Variants in GALNT2 observed in about 807,000 individuals in gnomAD.
GALNT2 encodes polypeptide N-acetylgalactosaminyltransferase 2.
In GALNT2, 31 loss-of-function variants were observed where a neutral mutation model predicts 81.4. The observed-to-expected ratio is 0.38, with a 90% CI of 0.29 to 0.51. The LOEUF is 0.51. Among genes scored for constraint, GALNT2 ranks in the 20% least tolerant of loss-of-function variants. The pLI is 0.87. For synonymous variants in GALNT2, 303 were observed against 287.4 expected (o/e 1.05, Z -0.55); for missense variants, 629 against 765.7 (o/e 0.82, Z 2.11).
intron 1 of GALNT2, among the ~76,000 whole-genome samples, chr1:230,155,208 G>A (rs1182817702): frequency 6.6e-6 from 1 of 152,140 alleles, no homozygotes; most frequent in African/African-American, 2.4e-5. Flanking sequence ...CTGTGGAGCG[G>A]AAGTCCTGAG....
intron 1 of GALNT2, among the ~76,000 whole-genome samples, chr1:230,059,341 T>C (rs1244813916): frequency 6.6e-6 from 1 of 152,214 alleles, no homozygotes; most frequent in East Asian, 1.9e-4. Context: ...AAATGTTACA[T>C]TGATAAATGA....
chr1:230,084,530 C>T (rs972304812), intron 1 of GALNT2, among the ~76,000 whole-genome samples: 4 of 152,232 alleles, frequency 2.6e-5, no homozygotes, highest in Non-Finnish European at 5.9e-5. Flanking sequence ...TTTGTCTGCC[C>T]TGGCACTTCC....
intron 1 of GALNT2, among the ~76,000 whole-genome samples, chr1:230,084,581 A>G (rs1659844444): frequency 6.6e-6 from 1 of 150,982 alleles, no homozygotes; most frequent in African/African-American, 2.4e-5. Context: ...GGTGAGGGAG[A>G]TGAGGCTGAG....
At chr1:230,231,408 G>A (rs913767550) in intron 3 of GALNT2, among the ~76,000 whole-genome samples, 1 of 152,164 alleles carries the variant, frequency 6.6e-6, no homozygotes, top group Non-Finnish European at 1.5e-5. Context: ...GGGTGAGGGT[G>A]GGGCATGGCC....
At chr1:230,159,593 AC>A (rs1438723869) in intron 1 of GALNT2, among the ~76,000 whole-genome samples, 1 of 152,232 alleles carries the variant, frequency 6.6e-6, no homozygotes, top group African/African-American at 2.4e-5. Flanking sequence ...CACTGAGCCT[AC>A]ATGGGGTAGG....
At chr1:230,197,605 T>C (rs1247779885) in intron 2 of GALNT2, among the ~76,000 whole-genome samples, 1 of 152,166 alleles carries the variant, frequency 6.6e-6, no homozygotes. Flanking sequence ...AATTTTATAG[T>C]TAGTAGTGTA....
At chr1:230,183,986 A>T (rs1236615192) in intron 2 of GALNT2, among the ~76,000 whole-genome samples, 1 of 152,158 alleles carries the variant, frequency 6.6e-6, no homozygotes, top group African/African-American at 2.4e-5. Context: ...CAAAAAAAAA[A>T]AAGGAAAAGT....
Position 230,280,199 on chromosome 1 carries a change from G to T in GALNT2, c.*741G>T. On this transcript the variant is annotated 3_prime_UTR_variant, in exon 16 of 16. Transcript: ENST00000366672. ...CCCGGTGGGGCCAGTTTCTCACAGA[G>T]GGAGGAGGTGGCCTTTGTCCCCTGG... The T allele has an allele frequency of 2.8e-6, 1 of 356,806 alleles. No homozygotes were observed. The highest frequency in any genetic ancestry group is 2.2e-5 in the South Asian group (1 of 46,286). 22.1% of individuals were successfully genotyped at this position (356,806 alleles called of 1,614,324 possible).
At chr1:230,071,487 CCAGGTTCTGAGCTCCA>C (rs1659373950) in intron 1 of GALNT2, among the ~76,000 whole-genome samples, 1 of 152,112 alleles carries the variant, frequency 6.6e-6, no homozygotes, top group Admixed American at 6.5e-5. Context: ...TGGTGGGATC[CCAGGTTCTGAGCTCCA>C]CTGCTCTCCC....
chr1:230,191,687 A>AT (rs1309978826), intron 2 of GALNT2, among the ~76,000 whole-genome samples: 7 of 152,128 alleles, frequency 4.6e-5, no homozygotes, highest in South Asian at 4.1e-4. Context: ...CATTTTTAAA[A>AT]TTTTTTGCAG....
intron 6 of GALNT2, among the ~76,000 whole-genome samples, chr1:230,242,355 A>G (rs1179217130): frequency 1.3e-5 from 2 of 152,138 alleles, no homozygotes; most frequent in Admixed American, 6.5e-5. Context: ...CTGTTCTAGC[A>G]TACAGCCACA....
chr1:230,090,064 CTGT>C (rs1558278832), intron 1 of GALNT2, among the ~76,000 whole-genome samples: 1 of 152,162 alleles, frequency 6.6e-6, no homozygotes, highest in Non-Finnish European at 1.5e-5. Context: ...TTGTTATTTT[CTGT>C]TGTTTGATAG....
At chr1:230,072,858 G>A (rs74145436) in intron 1 of GALNT2, among the ~76,000 whole-genome samples, 1,837 of 152,306 alleles carry the variant, frequency 0.012, 35 homozygotes, top group African/African-American at 0.041. Context: ...CTGTGCCTGT[G>A]CCATAGTGAA....
chr1:230,141,411 C>T (rs1558105551), intron 1 of GALNT2, among the ~76,000 whole-genome samples: 1 of 152,212 alleles, frequency 6.6e-6, no homozygotes, highest in African/African-American at 2.4e-5. Context: ...TTTCATCTTG[C>T]AAAACTGAAA....
At position 230,090,016 on chromosome 1, in the gene GALNT2, A is replaced by G. The variant is rs573320121; in HGVS notation, c.126+22610A>G. 2.0e-5 allele frequency among the ~76,000 whole-genome samples: 3 copies of G among 152,264 alleles called. No homozygotes were observed. In the South Asian group the frequency reaches 6.2e-4, roughly 32 times the overall value. On this transcript the variant is annotated intron_variant, in intron 1 of 15. Coordinates refer to ENST00000366672, the MANE Select transcript of GALNT2 (RefSeq NM_004481.5). ...CCAATTTTACATTCCCACCAACTGT[A>G]CACAAGGGTTCCAGTTTCTCCACAT...
chr1:230,189,684 C>T (rs147822255), intron 2 of GALNT2, among the ~76,000 whole-genome samples: 63 of 152,276 alleles, frequency 4.1e-4, no homozygotes, highest in African/African-American at 1.4e-3. Context: ...CCATTTTAAG[C>T]GTTGTTAAGC....
Position 230,077,611 on chromosome 1 carries a change from T to C in GALNT2, c.126+10205T>C, listed in dbSNP as rs1267511135. On this transcript the variant is annotated intron_variant, in intron 1 of 15. Coordinates refer to ENST00000366672, the MANE Select transcript of GALNT2 (RefSeq NM_004481.5). ...GATACAAAGGAAAATACAAGTGAAA[T>C]ACATTGAGCAAAGTGTTCTAAAAGT... Among the ~76,000 whole-genome samples, 4 of 152,190 alleles carry C rather than the reference T, an allele frequency of 2.6e-5. No individual in the cohort carries two copies. In the East Asian group the frequency reaches 7.7e-4, roughly 29 times the overall value.
chr1:230,236,136 T>C lies in GALNT2; in HGVS notation c.473+24T>C, dbSNP rs767590417. 13 of 1,605,904 alleles carry C rather than the reference T, an allele frequency of 8.1e-6. No individual in the cohort carries two copies. In the South Asian group the frequency reaches 1.3e-4, roughly 16 times the overall value. On this transcript the variant is annotated intron_variant, in intron 4 of 15. Coordinates refer to ENST00000366672, the MANE Select transcript of GALNT2 (RefSeq NM_004481.5). ...AGGTGAGGCCAGGAGATGCATTACC[T>C]GTCAGGGGTGTTAAGACATTAGCTG...
At chr1:230,278,627 C>G (rs1242532407) in intron 15 of GALNT2, among the ~76,000 whole-genome samples, 1 of 152,156 alleles carries the variant, frequency 6.6e-6, no homozygotes, top group Non-Finnish European at 1.5e-5. Context: ...AAACATTGGT[C>G]CCTGCCATAC....
Sources: gnomAD v4.1 joint callset for allele counts (sites outside exome capture counted in the v4.1 genomes callset) on GRCh38, gnomAD v4.1.1 for gene constraint, MANE v1.5 for transcripts, NCBI Gene and HGNC (gene_info 2026-07-23, HGNC 2026-07-21) for gene names.